ZNF676: variants seen among roughly 807,000 people sequenced by gnomAD.
ZNF676 encodes zinc finger protein 676.
In ZNF676, 4 loss-of-function variants were observed where a neutral mutation model predicts 6.0. That is an observed-to-expected ratio of 0.67 (90% CI 0.33 to 1.53). ZNF676 has a LOEUF of 1.53. Ranked by LOEUF, ZNF676 falls within the 40% of genes most tolerant of loss-of-function variation. The probability of loss-of-function intolerance (pLI) is 0.06; values close to 1 mark genes in which losing one functional copy is unlikely to be tolerated. For missense variants in ZNF676, 644 were observed against 679.7 expected (o/e 0.95, Z 0.58); for synonymous variants, 198 against 223.1 (o/e 0.89, Z 1.00).
intron 2 of ZNF676, among the ~76,000 whole-genome samples, chr19:22,182,800 C>T (rs1330168184): frequency 6.6e-6 from 1 of 151,702 alleles, no homozygotes; most frequent in African/African-American, 2.4e-5. Flanking sequence ...GAAAACAACA[C>T]CTAGTCATAT....
the ZNF676 span, chr19:22,244,343 G>C: frequency 6.6e-6 from 1 of 152,178 alleles, no homozygotes; most frequent in Non-Finnish European, 1.5e-5. Context: ...TGCCCAGTCA[G>C]ATTGATAACT....
chr19:22,226,896 G>T, the ZNF676 span, among the ~76,000 whole-genome samples: 1 of 152,108 alleles, frequency 6.6e-6, no homozygotes, highest in Non-Finnish European at 1.5e-5. Context: ...ACTGCACCCA[G>T]CTCATGTGTT....
rs73930535 is a variant in ZNF676, at chr19:22,202,515, G to A, written c.4-5789C>T. 2.1e-3 allele frequency among the ~76,000 whole-genome samples: 315 copies of A among 152,226 alleles called. 2 individuals are homozygous for A. Among genetic ancestry groups the A allele is most frequent in the African/African-American group, 6.8e-3 (282 of 41,548 alleles). On this transcript the variant is annotated intron_variant, in intron 1 of 3. Coordinates refer to the ZNF676 transcript ENST00000650058. ...TTGGTACCCTATGTGTTTATATTAT[G>A]TCTGGTAATTCTAGACAAGGTTTGG...
At position 22,181,173 on chromosome 19, in the gene ZNF676, A is replaced by C. The variant is rs2023743069; in HGVS notation, c.544T>G (p.Ser182Ala). 1 of 1,614,008 alleles carries C rather than the reference A, an allele frequency of 6.2e-7. No homozygotes were observed. Among genetic ancestry groups the C allele is most frequent in the African/African-American group, 1.3e-5 (1 of 75,058 alleles). The change falls in exon 3 of 3, where the codon TCA becomes GCA. Residue 182 changes from serine (S) to alanine (A), a missense_variant. By Grantham distance (99) the Ser-to-Ala change is moderately conservative (BLOSUM62 1). Around this residue, in one of 5 missense-constraint regions of ZNF676, gnomAD observed 280 missense variants for 269.3 expected, o/e 1.04. Transcript: ENST00000397121. ...EENGKAFNWSSTLTYYKSIHT... is the reference protein window; with the variant it reads ...EENGKAFNWSATLTYYKSIHT... ...ATACTCTTATAATAAGTAAGGGTTGAGGACCAGTTAAAAGCTTTGCCATTT... is the reference window on the plus strand; with the variant it reads ...ATACTCTTATAATAAGTAAGGGTTGCGGACCAGTTAAAAGCTTTGCCATTT...
the ZNF676 span, among the ~76,000 whole-genome samples, chr19:22,235,036 A>G: frequency 5.4e-5 from 8 of 149,194 alleles, no homozygotes; most frequent in South Asian, 2.1e-4. Context: ...AAGAAAGAAA[A>G]GAAAAGAAGG....
At chr19:22,192,747 T>C (rs991133059) in intron 2 of ZNF676, among the ~76,000 whole-genome samples, 1 of 152,038 alleles carries the variant, frequency 6.6e-6, no homozygotes, top group African/African-American at 2.4e-5. Flanking sequence ...AAAAGTCAGA[T>C]TGCACTCTCT....
At chr19:22,184,186 A>G (rs1395995177) in intron 2 of ZNF676, among the ~76,000 whole-genome samples, 8 of 152,132 alleles carry the variant, frequency 5.3e-5, no homozygotes, top group Non-Finnish European at 1.2e-4. Context: ...CTGGTTGAAC[A>G]GTGGATGCAG....
chr19:22,206,484 C>T (rs913525782), intron 1 of ZNF676, among the ~76,000 whole-genome samples: 1 of 151,988 alleles, frequency 6.6e-6, no homozygotes, highest in Non-Finnish European at 1.5e-5. Context: ...ACCAGCCTGG[C>T]CAACATGATG....
intron 2 of ZNF676, among the ~76,000 whole-genome samples, chr19:22,183,439 G>A (rs1000365660): frequency 6.6e-6 from 1 of 152,124 alleles, no homozygotes; most frequent in Non-Finnish European, 1.5e-5. Flanking sequence ...CCAGGTTCAA[G>A]CAGTTCTCCT....
the ZNF676 span, among the ~76,000 whole-genome samples, chr19:22,253,354 GTGTGTGTGTGTGTGTGTGTATA>G: frequency 0.074 from 1,872 of 25,214 alleles, 49 homozygotes; most frequent in African/African-American, 0.17. Context: ...ATGATAATGG[GTGTGTGTGTGTGTGTGTGTATA>G]TATATATATA....
Position 22,196,743 on chromosome 19 carries a change from AAC to A in ZNF676, c.-112_-111del, listed in dbSNP as rs2023971652. On this transcript the variant is annotated 5_prime_UTR_variant, in exon 1 of 3. The change abolishes the stop of an existing upstream ORF in the 5' untranslated region. Coordinates refer to ENST00000397121, the MANE Select transcript of ZNF676 (RefSeq NM_001001411.3). ...CAATGCTCCCTGGAAAACACACACA[AAC>A]ACATATATTTACCAATTGGTCATGG... 2.5e-5 allele frequency: 40 copies of A among 1,587,424 alleles called. No homozygotes were observed. In the South Asian group the frequency reaches 4.3e-4, roughly 17 times the overall value.
At chr19:22,221,895 T>C in the ZNF676 span, among the ~76,000 whole-genome samples, 3 of 152,136 alleles carry the variant, frequency 2.0e-5, no homozygotes, top group Non-Finnish European at 4.4e-5. Context: ...TGTTCTAAGG[T>C]GTAGTTTAAG....
intron 1 of ZNF676, among the ~76,000 whole-genome samples, chr19:22,213,676 GGA>G (rs147457025): frequency 0.2 from 28,904 of 142,900 alleles, 3,553 homozygotes; most frequent in South Asian, 0.4. Flanking sequence ...TTGTCTTATG[GGA>G]GATGAGAGGC....
At chr19:22,194,774 G>A (rs566138299) in intron 1 of ZNF676, among the ~76,000 whole-genome samples, 82 of 152,088 alleles carry the variant, frequency 5.4e-4, no homozygotes, top group Non-Finnish European at 1.1e-3. Flanking sequence ...AAACAATGAC[G>A]GCATTCCCAG....
Position 22,208,580 on chromosome 19 carries a change from G to A in ZNF676, c.3+7052C>T, listed in dbSNP as rs146365103. Among the ~76,000 whole-genome samples, 875 of 152,218 alleles carry A rather than the reference G, an allele frequency of 5.7e-3. 9 individuals are homozygous for A. Among genetic ancestry groups the A allele is most frequent in the African/African-American group, 0.019 (786 of 41,528 alleles). On this transcript the variant is annotated intron_variant, in intron 1 of 3. Transcript: ENST00000650058. ...TAAAGACACATGCACAATCACATTC[G>A]TTGCAGTACTATTCACAATAGCAAA...
In ZNF676 at chr19:22,181,012, A is replaced by C; in HGVS notation, c.705T>G (p.Asn235Lys). The change falls in exon 3 of 3, where the codon AAT becomes AAG. Residue 235 changes from asparagine (N) to lysine (K), a missense_variant. This residue lies in a region of ZNF676 where 280 missense variants were observed against 269.3 expected (regional missense o/e 1.04). Transcript: ENST00000397121. Reference protein sequence around the residue: ...YKCEECGKAFNRSSILTKHKI... With the variant: ...YKCEECGKAFKRSSILTKHKI... ...TATGTTTAGTAAGGATTGAGGATCG[A>C]TTAAAAGCTTTGCCACATTCTTCAC... The C allele has an allele frequency of 4.5e-6, 7 of 1,569,636 alleles. No individual in the cohort carries two copies. Among genetic ancestry groups the C allele is most frequent in the Non-Finnish European group, 6.1e-6 (7 of 1,151,448 alleles).
chr19:22,245,515 C>A, the ZNF676 span, among the ~76,000 whole-genome samples: 20 of 115,526 alleles, frequency 1.7e-4, 1 homozygote, highest in South Asian at 3.5e-3. Flanking sequence ...CCCCCCCCCC[C>A]ACCCCCAATA....
At chr19:22,194,772 A>T (rs2023949777) in intron 1 of ZNF676, among the ~76,000 whole-genome samples, 1 of 152,024 alleles carries the variant, frequency 6.6e-6, no homozygotes, top group African/African-American at 2.4e-5. Context: ...TCAAACAATG[A>T]CGGCATTCCC....
chr19:22,247,738 T>A, the ZNF676 span, among the ~76,000 whole-genome samples: 1 of 152,244 alleles, frequency 6.6e-6, no homozygotes, highest in East Asian at 1.9e-4. Flanking sequence ...TGAGCCAAGA[T>A]CGTGCCACTG....
Sources: gnomAD v4.1 joint callset for allele counts (sites outside exome capture counted in the v4.1 genomes callset) on GRCh38, gnomAD v4.1.1 for gene constraint, gnomAD v4.1.1 regional missense constraint, MANE v1.5 for transcripts, NCBI Gene and HGNC (gene_info 2026-07-23, HGNC 2026-07-21) for gene names.